Variants in ARHGAP25 observed in about 807,000 individuals in gnomAD.
The protein encoded by ARHGAP25 is rho GTPase-activating protein 25.
A neutral mutation model predicts 71.0 loss-of-function variants in ARHGAP25; 34 were observed. The ratio of observed to expected loss-of-function variants is 0.48; its 90% CI spans 0.36 to 0.64. The LOEUF is 0.64. Among genes scored for constraint, ARHGAP25 ranks in the 30% least tolerant of loss-of-function variants. The probability of loss-of-function intolerance (pLI) is 0.00; values close to 1 mark genes in which losing one functional copy is unlikely to be tolerated. For missense variants in ARHGAP25, 706 were observed against 805.1 expected, an observed-to-expected ratio of 0.88 and a Z score of 1.49; for synonymous variants, 282 against 296.5, an observed-to-expected ratio of 0.95 and a Z score of 0.50.
intron 2 of ARHGAP25, among the ~76,000 whole-genome samples, chr2:68,714,614 G>GGCATTTAGT (rs1674568665): frequency 6.6e-6 from 1 of 151,944 alleles, no homozygotes; most frequent in Non-Finnish European, 1.5e-5. Context: ...TTCTCCTTTG[G>GGCATTTAGT]GCATTTAGTG....
At chr2:68,774,970 G>A (rs1677765088) in intron 1 of ARHGAP25, 9 of 1,430,340 alleles carry the variant, frequency 6.3e-6, no homozygotes, top group Non-Finnish European at 8.2e-6. Flanking sequence ...GTGCCGGACT[G>A]CCTGTGCACG....
intron 4 of ARHGAP25, among the ~76,000 whole-genome samples, chr2:68,796,203 A>T (rs1428259689): frequency 6.6e-6 from 1 of 152,090 alleles, no homozygotes; most frequent in Non-Finnish European, 1.5e-5. Context: ...AAAGATATCT[A>T]TCTTCTTGGT....
At chr2:68,787,998 A>G (rs1232629859) in intron 4 of ARHGAP25, 42 bp downstream of exon 4, 1 of 1,506,266 alleles carries the variant, frequency 6.6e-7, no homozygotes, top group African/African-American at 1.4e-5. Flanking sequence ...TGCCTATGAC[A>G]TCTCAGAAAG....
chr2:68,761,108 C>A (rs1473177246), intron 1 of ARHGAP25, among the ~76,000 whole-genome samples: 1 of 151,918 alleles, frequency 6.6e-6, no homozygotes, highest in Non-Finnish European at 1.5e-5. Flanking sequence ...AAATGATTTT[C>A]AACAAGGGTG....
At position 68,759,830 on chromosome 2, in the gene ARHGAP25, G is replaced by A. The variant is rs574198584; in HGVS notation, c.62-15391G>A. On this transcript the variant is annotated intron_variant, in intron 1 of 10. Coordinates refer to ENST00000409202, the MANE Select transcript of ARHGAP25 (RefSeq NM_001007231.3). ...ATTTTCAAAAGAATTGAAAAAGAAG[G>A]GAAACTTCCCAACTCATTCTACATT... 9.9e-5 allele frequency among the ~76,000 whole-genome samples: 15 copies of A among 151,836 alleles called. No homozygotes were observed. The South Asian group carries it at 2.9e-3, about 29-fold the overall frequency.
At chr2:68,821,464 G>C (rs921625734) in intron 9 of ARHGAP25, among the ~76,000 whole-genome samples, 1 of 152,110 alleles carries the variant, frequency 6.6e-6, no homozygotes, top group African/African-American at 2.4e-5. Flanking sequence ...TTTGTACTCA[G>C]GCAGATGTAT....
chr2:68,810,731 C>CTTTTTTTTTTTTTTTTTTTTT (rs539849992), intron 5 of ARHGAP25, among the ~76,000 whole-genome samples: 1 of 74,354 alleles, frequency 1.3e-5, no homozygotes. Flanking sequence ...CTTTTCTTCT[C>CTTTTTTTTTTTTTTTTTTTTT]TTTTTTTTTT....
At chr2:68,765,250 G>C (rs1020790702) in intron 1 of ARHGAP25, among the ~76,000 whole-genome samples, 3 of 152,104 alleles carry the variant, frequency 2.0e-5, no homozygotes, top group Non-Finnish European at 4.4e-5. Flanking sequence ...GTGTACGTAA[G>C]TGGTATAACA....
At chr2:68,727,474 G>A (rs1353033501) in intron 2 of ARHGAP25, among the ~76,000 whole-genome samples, 1 of 152,144 alleles carries the variant, frequency 6.6e-6, no homozygotes, top group Non-Finnish European at 1.5e-5. Flanking sequence ...GCCTCAGAGG[G>A]TCTGCCTCTG....
At chr2:68,798,052 T>G (rs1679695863) in intron 4 of ARHGAP25, among the ~76,000 whole-genome samples, 1 of 152,256 alleles carries the variant, frequency 6.6e-6, no homozygotes, top group Non-Finnish European at 1.5e-5. Context: ...CTTGCTTGGT[T>G]TCTCTAAGCG....
chr2:68,807,450 T>C lies in ARHGAP25; in HGVS notation c.644T>C (p.Phe215Ser). ...CTGGTGAAGCAGCTGAGAGACGCTT[T>C]TGATGCTGGGGAGCGGCCCTCCTTT... The part of the protein sequence containing the change: ...DNLVKQLRDA[F>S]DAGERPSFDR... Residue 215 changes from phenylalanine (F) to serine (S), a missense_variant, in exon 5 of 11, where the codon TTT becomes TCT. Phe to Ser is a radical substitution (Grantham distance 155). Coordinates refer to ENST00000409202, the MANE Select transcript of ARHGAP25 (RefSeq NM_001007231.3). The C allele has an allele frequency of 6.2e-7, 1 of 1,614,204 alleles. No homozygotes were observed. Among genetic ancestry groups the C allele is most frequent in the Non-Finnish European group, 8.5e-7 (1 of 1,180,034 alleles).
chr2:68,775,345 C>T lies in ARHGAP25; in HGVS notation c.186C>T (p.Asn62=), dbSNP rs1677809050. The T allele has an allele frequency of 3.7e-6, 6 of 1,614,116 alleles. 1 individual carries two copies. The Middle Eastern group carries it at 4.9e-4, about 133-fold the overall frequency. Residue 62 remains asparagine (N), a synonymous_variant, in exon 2 of 11, where the codon AAC becomes AAT. Coordinates refer to ENST00000409202, the MANE Select transcript of ARHGAP25 (RefSeq NM_001007231.3). The part of the protein sequence containing the change: ...WLKKQRSIVK[N]WQQRYFVLRA... ...AGAAGCAGAGGTCCATCGTGAAGAA[C>T]TGGCAGCAGAGGTACTTTGTGCTGA... is the stretch of plus-strand genomic sequence containing the variant.
chr2:68,819,706 C>T (rs1681497719), intron 9 of ARHGAP25: 2 of 532,366 alleles, frequency 3.8e-6, no homozygotes, highest in Non-Finnish European at 6.6e-6. Context: ...AACTGGTTTC[C>T]TGCTAACCCA....
At chr2:68,716,672 T>C (rs551948049) in intron 2 of ARHGAP25, among the ~76,000 whole-genome samples, 1 of 152,332 alleles carries the variant, frequency 6.6e-6, no homozygotes, top group Admixed American at 6.5e-5. Context: ...ATACATCGTT[T>C]TATTCAAACC....
At chr2:68,749,128 A>AG (rs1417629019) in intron 1 of ARHGAP25, among the ~76,000 whole-genome samples, 1 of 152,142 alleles carries the variant, frequency 6.6e-6, no homozygotes, top group African/African-American at 2.4e-5. Flanking sequence ...AGGAAGAAGG[A>AG]GGAAGAACAA....
At chr2:68,763,180 T>A (rs1043029246) in intron 1 of ARHGAP25, among the ~76,000 whole-genome samples, 1 of 152,260 alleles carries the variant, frequency 6.6e-6, no homozygotes, top group Non-Finnish European at 1.5e-5. Context: ...AATTTTAGAA[T>A]GCTTTCTTTA....
chr2:68,755,259 T>C (rs1237160529), intron 1 of ARHGAP25, among the ~76,000 whole-genome samples: 3 of 152,150 alleles, frequency 2.0e-5, no homozygotes, highest in Non-Finnish European at 4.4e-5. Context: ...TTAAGCATTA[T>C]AAACACAGAT....
intron 3 of ARHGAP25, among the ~76,000 whole-genome samples, chr2:68,784,513 G>A (rs1400361491): frequency 4.6e-5 from 7 of 151,626 alleles, no homozygotes; most frequent in Non-Finnish European, 7.4e-5. Flanking sequence ...TTTTTAATTG[G>A]GGGCAGGCAA....
At chr2:68,783,064 C>A (rs1245442230) in intron 3 of ARHGAP25, among the ~76,000 whole-genome samples, 1 of 152,216 alleles carries the variant, frequency 6.6e-6, no homozygotes, top group African/African-American at 2.4e-5. Context: ...TTTCTTCACC[C>A]CCTCCTTCCC....
Sources: gnomAD v4.1 joint callset for allele counts (sites outside exome capture counted in the v4.1 genomes callset) on GRCh38, gnomAD v4.1.1 for gene constraint, MANE v1.5 for transcripts, NCBI Gene and HGNC (gene_info 2026-07-23, HGNC 2026-07-21) for gene names.